Variants in BNC2 observed in about 807,000 individuals in gnomAD.
BNC2 encodes the protein zinc finger protein basonuclin-2.
A neutral mutation model predicts 76.3 loss-of-function variants in BNC2; 20 were observed. The observed-to-expected ratio is 0.26, with a 90% CI of 0.18 to 0.38. The LOEUF (loss-of-function observed/expected upper bound fraction) is 0.38, where lower values mean the gene tolerates loss of function less well. Ranked by LOEUF, BNC2 falls within the 10% of genes least tolerant of loss-of-function variation. The pLI is 1.00. For synonymous variants in BNC2, 582 were observed against 514.8 expected (o/e 1.13, Z -1.77); for missense variants, 1,382 against 1,399.8 (o/e 0.99, Z 0.20).
At position 16,449,698 on chromosome 9, in the gene BNC2, G is replaced by A. The variant is rs184724314; in HGVS notation, c.670-12174C>T. ...TTTGGCACAGAGCTTAAATTTTAGCGGATCACAATTAGTAAAAACATATTT... is the reference window on the plus strand; with the variant it reads ...TTTGGCACAGAGCTTAAATTTTAGCAGATCACAATTAGTAAAAACATATTT... On this transcript the variant is annotated intron_variant, in intron 5 of 6. Coordinates refer to ENST00000380672, the MANE Select transcript of BNC2 (RefSeq NM_017637.6). Among the ~76,000 whole-genome samples, 9 of 152,152 alleles carry A rather than the reference G, an allele frequency of 5.9e-5. No homozygotes were observed. The East Asian group carries it at 1.2e-3, about 20-fold the overall frequency.
intron 3 of BNC2, among the ~76,000 whole-genome samples, chr9:16,618,413 G>C (rs1030144103): frequency 6.6e-6 from 1 of 152,136 alleles, no homozygotes; most frequent in African/African-American, 2.4e-5. Context: ...TCTGTTCACG[G>C]GAGGACGCCA....
chr9:16,725,876 T>A (rs924374746), intron 3 of BNC2, among the ~76,000 whole-genome samples: 1 of 152,214 alleles, frequency 6.6e-6, no homozygotes, highest in African/African-American at 2.4e-5. Flanking sequence ...ATAAGCAATC[T>A]AACACCATCT....
intron 1 of BNC2, among the ~76,000 whole-genome samples, chr9:16,787,546 T>C (rs1826329861): frequency 6.6e-6 from 1 of 152,176 alleles, no homozygotes; most frequent in Non-Finnish European, 1.5e-5. Flanking sequence ...CTTTACATCA[T>C]GGAGCTATCC....
At chr9:16,847,968 G>C (rs545540061) in intron 1 of BNC2, among the ~76,000 whole-genome samples, 5 of 152,266 alleles carry the variant, frequency 3.3e-5, no homozygotes, top group African/African-American at 1.2e-4. Context: ...TCAAAAGACT[G>C]AAACAAGAAA....
At chr9:16,567,373 T>TTATAAAATTCAGTTTTCAAATG (rs1191828115) in intron 4 of BNC2, among the ~76,000 whole-genome samples, 1 of 152,214 alleles carries the variant, frequency 6.6e-6, no homozygotes, top group African/African-American at 2.4e-5. Flanking sequence ...GTAATGTCCT[T>TTATAAAATTCAGTTTTCAAATG]TATAAAATTC....
chr9:16,611,513 G>C (rs568937476), intron 3 of BNC2, among the ~76,000 whole-genome samples: 29 of 152,196 alleles, frequency 1.9e-4, no homozygotes, highest in African/African-American at 7.0e-4. Context: ...CCCAAGATAG[G>C]AATTTAGAAT....
chr9:16,849,516 G>A (rs1051315279), intron 1 of BNC2, among the ~76,000 whole-genome samples: 8 of 151,700 alleles, frequency 5.3e-5, no homozygotes, highest in African/African-American at 1.7e-4. Flanking sequence ...ATGCCACCAC[G>A]CCCGACTAAT....
chr9:16,618,411 C>T (rs892264582), intron 3 of BNC2, among the ~76,000 whole-genome samples: 12 of 152,202 alleles, frequency 7.9e-5, no homozygotes, highest in East Asian at 1.9e-4. Context: ...AATCTGTTCA[C>T]GGGAGGACGC....
At chr9:16,536,502 C>A (rs905705392) in intron 5 of BNC2, among the ~76,000 whole-genome samples, 6 of 152,138 alleles carry the variant, frequency 3.9e-5, no homozygotes, top group Non-Finnish European at 8.8e-5. Flanking sequence ...CACAAAAACA[C>A]AGCCTTTTGT....
rs1237537784 is a variant in BNC2, at chr9:16,717,242, T to A, written c.330+10555A>T. On this transcript the variant is annotated intron_variant, in intron 3 of 6. Transcript: ENST00000380672. ...ATATGATCTTATAGGATGACCTGCA[T>A]ATAAAGGGCACTGAACCAGTGTTCA... Among the ~76,000 whole-genome samples, 19 of 152,208 alleles carry A rather than the reference T, an allele frequency of 1.2e-4. 1 individual carries two copies. The highest frequency in any genetic ancestry group is 7.9e-4 in the Admixed American group (12 of 15,274).
chr9:16,778,389 G>A (rs1586876174), intron 1 of BNC2, among the ~76,000 whole-genome samples: 1 of 151,908 alleles, frequency 6.6e-6, no homozygotes, highest in African/African-American at 2.4e-5. Flanking sequence ...ACAAACTTTG[G>A]AAGAAAAAAC....
At chr9:16,695,027 G>C (rs1033991875) in intron 3 of BNC2, among the ~76,000 whole-genome samples, 1 of 152,236 alleles carries the variant, frequency 6.6e-6, no homozygotes, top group African/African-American at 2.4e-5. Flanking sequence ...GTGGAGAGAA[G>C]ATAAAGTCAA....
intron 3 of BNC2, among the ~76,000 whole-genome samples, chr9:16,644,162 C>T (rs1821563165): frequency 6.6e-6 from 1 of 152,084 alleles, no homozygotes; most frequent in South Asian, 2.1e-4. Flanking sequence ...CCTATACATA[C>T]CAAATCAAAA....
chr9:16,455,308 A>G (rs1821423353), intron 5 of BNC2, among the ~76,000 whole-genome samples: 1 of 152,236 alleles, frequency 6.6e-6, no homozygotes, highest in East Asian at 1.9e-4. Flanking sequence ...ACTTGGTAAG[A>G]CTAAAATGGC....
Position 16,410,268 on chromosome 9 carries a change from G to C in BNC2, c.*8721C>G, listed in dbSNP as rs889013608. 2.0e-5 allele frequency: 3 copies of C among 152,270 alleles called. No individual in the cohort carries two copies. Among genetic ancestry groups the C allele is most frequent in the African/African-American group, 7.2e-5 (3 of 41,448 alleles). The allele number at this position is 152,270 out of a possible 1,614,324, so 9.4% of individuals were successfully genotyped here. A position where few individuals can be genotyped will look rare whatever the true frequency, so the allele number is the denominator to read the frequency against. Reference sequence around the variant, plus strand: ...GGACTTCATGGAAGAAGCCAGGCAAGGTGTGAGGGGAGAGGGGAAATGGGC... The same window carrying C: ...GGACTTCATGGAAGAAGCCAGGCAACGTGTGAGGGGAGAGGGGAAATGGGC... On this transcript the variant is annotated 3_prime_UTR_variant, in exon 7 of 7. Transcript: ENST00000380672.
chr9:16,421,680 CAGA>C (rs1820712930), intron 6 of BNC2, among the ~76,000 whole-genome samples: 2 of 152,196 alleles, frequency 1.3e-5, no homozygotes, highest in African/African-American at 4.8e-5. Flanking sequence ...TGTCAGATGG[CAGA>C]TGACTCCAAG....
At position 16,479,546 on chromosome 9, in the gene BNC2, G is replaced by T. The variant is rs541402991; in HGVS notation, c.670-42022C>A. Among the ~76,000 whole-genome samples the T allele has an allele frequency of 1.6e-3, 250 of 152,238 alleles. 1 individual carries two copies. The highest frequency in any genetic ancestry group is 5.7e-3 in the African/African-American group (235 of 41,540). On this transcript the variant is annotated intron_variant, in intron 5 of 6. Transcript: ENST00000380672. ...AAAAGTCGAATGAATTGTACAGTGA[G>T]CACTTATGTATCTACCATCTAAATT...
At chr9:16,577,506 T>C (rs1028169452) in intron 4 of BNC2, among the ~76,000 whole-genome samples, 3 of 152,180 alleles carry the variant, frequency 2.0e-5, no homozygotes, top group Non-Finnish European at 4.4e-5. Context: ...GAAGGCTACC[T>C]GGCACAATCC....
Position 16,714,248 on chromosome 9 carries a change from ACTAT to A in BNC2, c.330+13545_330+13548del, listed in dbSNP as rs201375194. Among the ~76,000 whole-genome samples, 776 of 152,348 alleles carry A rather than the reference ACTAT, an allele frequency of 5.1e-3. 1 individual carries two copies. Among genetic ancestry groups the A allele is most frequent in the Admixed American group, 8.2e-3 (125 of 15,304 alleles). ...ATAGCCTAGCATATGTAACAATAAAACTATCTAGCAAACACAAAGCACAAATGTT... is the reference window on the plus strand; with the variant it reads ...ATAGCCTAGCATATGTAACAATAAAACTAGCAAACACAAAGCACAAATGTT... On this transcript the variant is annotated intron_variant, in intron 3 of 6. Transcript: ENST00000380672.
Sources: allele counts gnomAD v4.1 joint callset (sites outside exome capture counted in the v4.1 genomes callset), GRCh38; gene constraint gnomAD v4.1.1; transcripts MANE v1.5; gene names NCBI Gene and HGNC (gene_info 2026-07-23, HGNC 2026-07-21).